The following GSN variants were observed in gnomAD, a reference collection of about 807,000 sequenced individuals.
The protein encoded by GSN is actin-depolymerizing factor.
A neutral mutation model predicts 85.7 loss-of-function variants in GSN; 56 were observed. The observed-to-expected ratio is 0.65, with a 90% CI of 0.53 to 0.82. The LOEUF (loss-of-function observed/expected upper bound fraction) is 0.82, where lower values mean the gene tolerates loss of function less well. GSN is among the 40% of genes least tolerant of loss of function. The probability of loss-of-function intolerance (pLI) is 0.00; values close to 1 mark genes in which losing one functional copy is unlikely to be tolerated. For missense variants in GSN, 857 were observed against 979.8 expected (o/e 0.87, Z 1.67); for synonymous variants, 373 against 399.1 (o/e 0.93, Z 0.78).
chr9:121,332,512 C>T lies in GSN; in HGVS notation c.2105C>T (p.Pro702Leu). The T allele has an allele frequency of 6.2e-7, 1 of 1,614,006 alleles. No homozygotes were observed. The highest frequency in any genetic ancestry group is 1.1e-5 in the South Asian group (1 of 91,080). The change falls in exon 18 of 18, where the codon CCT becomes CTT. Residue 702 changes from proline (P) to leucine (L), a missense_variant. Physicochemically the swap from Pro to Leu is moderately conservative, Grantham distance 98 (BLOSUM62 -3). Transcript: ENST00000432226. This position sits in a 1 kb window ranked among gnomAD's most constrained non-coding sequence, Gnocchi z 4.8. ...PITVVKQGFEPPSFVGWFLGW... is the reference protein window; with the variant it reads ...PITVVKQGFELPSFVGWFLGW... ...ACCGTGGTGAAGCAAGGCTTTGAGC[C>T]TCCCTCCTTTGTGGGCTGGTTCCTT...
At chr9:121,278,809 G>C (rs1170845183) in intron 1 of GSN, among the ~76,000 whole-genome samples, 1 of 152,200 alleles carries the variant, frequency 6.6e-6, no homozygotes, top group Non-Finnish European at 1.5e-5. Flanking sequence ...GAGTTAGCTG[G>C]GGCTAATTCT....
chr9:121,318,550 G>A lies in GSN; in HGVS notation c.975+56G>A. On this transcript the variant is annotated intron_variant, in intron 9 of 17. Coordinates refer to ENST00000432226, the MANE Select transcript of GSN (RefSeq NM_198252.3). The surrounding 1 kb of genome is among the most constrained non-coding windows in gnomAD (Gnocchi z 4.3). ...GGGGTGGGTCCTGTTTGGAGGGGATGGGCTGGAGTAGGGCGGGTGTCCCAC... is the reference window on the plus strand; with the variant it reads ...GGGGTGGGTCCTGTTTGGAGGGGATAGGCTGGAGTAGGGCGGGTGTCCCAC... 5 of 1,503,824 alleles carry A rather than the reference G, an allele frequency of 3.3e-6. No individual in the cohort carries two copies. Among genetic ancestry groups the A allele is most frequent in the South Asian group, 1.1e-5 (1 of 88,718 alleles). 93.2% of individuals were successfully genotyped at this position (1,503,824 alleles called of 1,614,324 possible). A position where few individuals can be genotyped will look rare whatever the true frequency, so the allele number is the denominator to read the frequency against.
chr9:121,231,246 G>A (rs2054382512), exon 5 of GSN: 1 of 152,194 alleles, frequency 6.6e-6, no homozygotes, highest in African/African-American at 2.4e-5. Flanking sequence ...AGGTGGAAGA[G>A]TACTCTCATC....
intron 16 of GSN, among the ~76,000 whole-genome samples, chr9:121,330,945 C>T (rs577637696): frequency 1.3e-5 from 2 of 152,198 alleles, no homozygotes; most frequent in East Asian, 3.9e-4. Context: ...AAACTCAATG[C>T]CTGATGGTAC....
intron 2 of GSN, chr9:121,286,065 C>T: frequency 2.0e-6 from 3 of 1,507,416 alleles, no homozygotes; most frequent in Non-Finnish European, 2.7e-6. Flanking sequence ...CCAGACTAAT[C>T]CTGAGTCCTA....
chr9:121,321,616 G>C (rs1236371690), intron 11 of GSN, among the ~76,000 whole-genome samples: 1 of 152,178 alleles, frequency 6.6e-6, no homozygotes, highest in Non-Finnish European at 1.5e-5. Flanking sequence ...AGGATATAGT[G>C]AATGTGGAGA....
At chr9:121,216,778 T>C (rs577051140) in intron 4 of GSN, among the ~76,000 whole-genome samples, 1 of 152,354 alleles carries the variant, frequency 6.6e-6, no homozygotes, top group South Asian at 2.1e-4. Flanking sequence ...ATTAGTTTGC[T>C]AGGACTGCCG....
At chr9:121,237,057 T>G (rs2054509561) in intron 5 of GSN, among the ~76,000 whole-genome samples, 2 of 152,212 alleles carry the variant, frequency 1.3e-5, no homozygotes, top group Admixed American at 1.3e-4. Flanking sequence ...GTGATTCTTC[T>G]GCATGGAAAC....
chr9:121,275,510 TCCTGAG>T (rs1385620581), intron 1 of GSN, among the ~76,000 whole-genome samples: 1 of 152,190 alleles, frequency 6.6e-6, no homozygotes, highest in Non-Finnish European at 1.5e-5. Context: ...TTTCTTGGTG[TCCTGAG>T]CTTCACTTCA....
intron 14 of GSN, 96 bp from the exon 15 acceptor site, chr9:121,328,795 T>G: frequency 7.8e-7 from 1 of 1,277,860 alleles, no homozygotes; most frequent in Non-Finnish European, 1.1e-6. Context: ...GGGAGAGCAG[T>G]TGGTTGCGCT....
At chr9:121,252,016 A>T (rs1031838705) in intron 6 of GSN, among the ~76,000 whole-genome samples, 2 of 152,204 alleles carry the variant, frequency 1.3e-5, no homozygotes, top group African/African-American at 4.8e-5. Context: ...AATTTGAAAA[A>T]TTAGAAGCAT....
At chr9:121,281,911 A>G in intron 2 of GSN, 1 of 471,382 alleles carries the variant, frequency 2.1e-6, no homozygotes, top group Non-Finnish European at 4.4e-6. Context: ...CAGAGTCCCC[A>G]TAAAGAGGAG....
intron 2 of GSN, among the ~76,000 whole-genome samples, chr9:121,209,657 T>G (rs1428210494): frequency 6.6e-6 from 1 of 152,198 alleles, no homozygotes. Context: ...AATACCTATG[T>G]GAATTATTAA....
intron 4 of GSN, chr9:121,222,875 T>C (rs1390647357): frequency 6.6e-6 from 1 of 151,502 alleles, no homozygotes; most frequent in Non-Finnish European, 1.5e-5. Context: ...GAGTCCAGTG[T>C]GTGGTTTGAC....
At chr9:121,301,875 T>C in intron 2 of GSN, 88 bp from the exon 3 acceptor site, 1 of 1,603,940 alleles carries the variant, frequency 6.2e-7, no homozygotes, top group Non-Finnish European at 8.5e-7. Flanking sequence ...TGAGATGCTC[T>C]TGGTGCTAGA....
chr9:121,310,197 T>G (rs891169831), intron 4 of GSN: 2 of 204,754 alleles, frequency 9.8e-6, no homozygotes, highest in South Asian at 1.7e-4. Flanking sequence ...GCCTTTATTA[T>G]GCACATGCGC....
At position 121,299,039 on chromosome 9, in the gene GSN, C is replaced by A. The variant is rs1447597500; in HGVS notation, c.-9-2924C>A. 6.6e-6 allele frequency among the ~76,000 whole-genome samples: 1 copy of A among 152,200 alleles called. No homozygotes were observed. The highest frequency in any genetic ancestry group is 6.5e-5 in the Admixed American group (1 of 15,284). The stretch of plus-strand genomic sequence containing the variant: ...GCTTGCTTAGAGACATGACGGTAAA[C>A]CCTGAACCATCAGCTAAAAGAGGTA... On this transcript the variant is annotated intron_variant, in intron 2 of 17. Transcript: ENST00000432226. The surrounding 1 kb of genome is among the most constrained non-coding windows in gnomAD (Gnocchi z 4.2).
chr9:121,247,160 G>A (rs1310094669), intron 5 of GSN, among the ~76,000 whole-genome samples: 28 of 152,150 alleles, frequency 1.8e-4, no homozygotes, highest in South Asian at 2.1e-4. Context: ...CTCGGTTCCC[G>A]GCTGCCCCAG....
chr9:121,291,443 G>A (rs947208808), intron 2 of GSN, among the ~76,000 whole-genome samples: 5 of 145,810 alleles, frequency 3.4e-5, no homozygotes, highest in Admixed American at 6.9e-5. Flanking sequence ...TTTTGAGTTG[G>A]AGTCTTGCTC....
Sources: allele counts gnomAD v4.1 joint callset (sites outside exome capture counted in the v4.1 genomes callset), GRCh38; gene constraint gnomAD v4.1.1; non-coding constraint Gnocchi (gnomAD v3.1); transcripts MANE v1.5; gene names NCBI Gene and HGNC (gene_info 2026-07-23, HGNC 2026-07-21).